Variants in GRIK4 observed in about 807,000 individuals in gnomAD.
The protein encoded by GRIK4 is glutamate ionotropic receptor kainate type subunit 4, also known as glutamate receptor ionotropic, kainate 4.
GRIK4 carries 40 observed loss-of-function variants against 104.9 expected under a neutral mutation model. The observed-to-expected ratio is 0.38, with a 90% CI of 0.30 to 0.50. The LOEUF is 0.50. GRIK4 is among the 20% of genes least tolerant of loss of function. GRIK4 has a pLI of 0.93. For missense variants in GRIK4, 1,047 were observed against 1,308.1 expected, an observed-to-expected ratio of 0.80 and a Z score of 3.08; for synonymous variants, 485 against 524.9, an observed-to-expected ratio of 0.92 and a Z score of 1.04.
chr11:120,812,502 T>G (rs1239367973), intron 4 of GRIK4, among the ~76,000 whole-genome samples: 1 of 152,178 alleles, frequency 6.6e-6, no homozygotes, highest in African/African-American at 2.4e-5. Flanking sequence ...GTGGGGATAA[T>G]AATAAAAGGG....
chr11:120,586,107 T>C (rs1333793296), intron 1 of GRIK4, among the ~76,000 whole-genome samples: 1 of 152,154 alleles, frequency 6.6e-6, no homozygotes. Context: ...GTGTGTGAGC[T>C]GACACTTGGA....
intron 19 of GRIK4, among the ~76,000 whole-genome samples, chr11:120,976,971 G>A (rs1343606015): frequency 6.6e-6 from 1 of 152,234 alleles, no homozygotes; most frequent in Non-Finnish European, 1.5e-5. Context: ...ACCAAAGGAA[G>A]AGCAAGTGGG....
chr11:120,904,489 G>A (rs940656884), intron 12 of GRIK4, among the ~76,000 whole-genome samples: 4 of 152,198 alleles, frequency 2.6e-5, no homozygotes, highest in African/African-American at 7.2e-5. Flanking sequence ...CTCACCCCTG[G>A]ATGCTTCCTC....
Position 120,831,965 on chromosome 11 carries a change from G to A in GRIK4, c.625G>A (p.Asp209Asn), listed in dbSNP as rs1240305755. Residue 209 changes from aspartate to asparagine, a missense_variant, in exon 7 of 21, where the codon GAC (aspartate) becomes AAC (asparagine). By Grantham distance (23) the Asp-to-Asn change is conservative. Coordinates refer to ENST00000527524, the MANE Select transcript of GRIK4 (RefSeq NM_014619.5). ...CACCCCGCTCCTCAAGGAGATCCGG[G>A]ACGACAAGACCGCCACCATCATCAT... ...DPTPLLKEIR[D>N]DKTATIIIHA... 2 of 1,613,920 alleles carry A rather than the reference G, an allele frequency of 1.2e-6. No homozygotes were observed. The highest frequency in any genetic ancestry group is 1.7e-6 in the Non-Finnish European group (2 of 1,179,964).
At chr11:120,815,734 C>G (rs796263501) in intron 5 of GRIK4, among the ~76,000 whole-genome samples, 102 of 152,172 alleles carry the variant, frequency 6.7e-4, no homozygotes, top group African/African-American at 2.4e-3. Flanking sequence ...CATGGCGGTG[C>G]CCCCAGCGGC....
At chr11:120,572,813 A>T (rs1018330502) in intron 1 of GRIK4, among the ~76,000 whole-genome samples, 4 of 152,118 alleles carry the variant, frequency 2.6e-5, no homozygotes, top group African/African-American at 9.7e-5. Context: ...TCCCCTTTTC[A>T]TTTCCGCTGT....
At chr11:120,575,531 C>T (rs114136312) in intron 1 of GRIK4, among the ~76,000 whole-genome samples, 2,622 of 152,154 alleles carry the variant, frequency 0.017, 83 homozygotes, top group African/African-American at 0.058. Flanking sequence ...AGGTGCTGGC[C>T]GCCGCTGAAT....
At chr11:120,909,657 A>T (rs1224309329) in intron 13 of GRIK4, among the ~76,000 whole-genome samples, 1 of 152,234 alleles carries the variant, frequency 6.6e-6, no homozygotes, top group Non-Finnish European at 1.5e-5. Flanking sequence ...CTGCAGCAGA[A>T]GCAATGAAGG....
chr11:120,982,535 A>G (rs978637029), intron 20 of GRIK4, among the ~76,000 whole-genome samples: 1 of 152,122 alleles, frequency 6.6e-6, no homozygotes, highest in African/African-American at 2.4e-5. Flanking sequence ...ATCCTTAGAG[A>G]TATCCCGACT....
At chr11:120,777,504 G>A (rs895852949) in intron 3 of GRIK4, among the ~76,000 whole-genome samples, 8 of 152,228 alleles carry the variant, frequency 5.3e-5, no homozygotes, top group Non-Finnish European at 7.3e-5. Context: ...CTGTGTGCCC[G>A]GCACGGGGTT....
At chr11:120,656,653 G>T (rs1287246727) in intron 2 of GRIK4, among the ~76,000 whole-genome samples, 1 of 152,148 alleles carries the variant, frequency 6.6e-6, no homozygotes, top group Admixed American at 6.5e-5. Context: ...CTGAGGTCAG[G>T]AGTTCGAGAC....
intron 1 of GRIK4, among the ~76,000 whole-genome samples, chr11:120,519,577 T>C (rs899318589): frequency 1.1e-4 from 16 of 152,216 alleles, no homozygotes; most frequent in Non-Finnish European, 1.9e-4. Context: ...ACCCAGTTTA[T>C]GGTATTTTGT....
In GRIK4 at chr11:120,940,284, G is replaced by T; in HGVS notation, c.1477-63G>T. On this transcript the variant is annotated intron_variant, in intron 13 of 20. Coordinates refer to ENST00000527524, the MANE Select transcript of GRIK4 (RefSeq NM_014619.5). This position sits in a 1 kb window ranked among gnomAD's most constrained non-coding sequence, Gnocchi z 4.3. ...CCAATAGCAGTGACGGTTGCTGGTCGCAAGTCTCTGTGCCTCTTCTCCTAT... is the reference window on the plus strand; with the variant it reads ...CCAATAGCAGTGACGGTTGCTGGTCTCAAGTCTCTGTGCCTCTTCTCCTAT... The T allele has an allele frequency of 1.0e-6, 1 of 980,438 alleles. No individual in the cohort carries two copies. The highest frequency in any genetic ancestry group is 1.6e-6 in the Non-Finnish European group (1 of 620,398). 60.7% of individuals were successfully genotyped at this position (980,438 alleles called of 1,614,324 possible).
chr11:120,567,234 A>T (rs1948340835), intron 1 of GRIK4, among the ~76,000 whole-genome samples: 1 of 151,872 alleles, frequency 6.6e-6, no homozygotes, highest in Non-Finnish European at 1.5e-5. Context: ...ATCATGGCTC[A>T]CTGCAGCCTT....
At chr11:120,865,589 G>A (rs77105379) in intron 9 of GRIK4, among the ~76,000 whole-genome samples, 5,316 of 152,216 alleles carry the variant, frequency 0.035, 283 homozygotes, top group African/African-American at 0.12. Context: ...AAGTGGAAAC[G>A]CAAAGACCTC....
chr11:120,515,547 C>G (rs547202157), intron 1 of GRIK4, among the ~76,000 whole-genome samples: 10 of 152,280 alleles, frequency 6.6e-5, no homozygotes, highest in Admixed American at 5.2e-4. Flanking sequence ...TGGCTGAGCC[C>G]CCTGCTCCTA....
At chr11:120,932,415 G>A (rs1943502616) in intron 13 of GRIK4, among the ~76,000 whole-genome samples, 1 of 144,834 alleles carries the variant, frequency 6.9e-6, no homozygotes. Flanking sequence ...GAGCTCAGCA[G>A]CCCCATGTTA....
chr11:120,538,848 G>A (rs1406224678), intron 1 of GRIK4, among the ~76,000 whole-genome samples: 1 of 152,228 alleles, frequency 6.6e-6, no homozygotes, highest in Non-Finnish European at 1.5e-5. Flanking sequence ...GGCTCTAACT[G>A]TATTTCAGGA....
intron 4 of GRIK4, among the ~76,000 whole-genome samples, chr11:120,805,119 G>A (rs1591935524): frequency 6.6e-6 from 1 of 152,172 alleles, no homozygotes; most frequent in East Asian, 1.9e-4. Flanking sequence ...TTAATTTCTA[G>A]TATAATGGAA....
Sources: gnomAD v4.1 joint callset for allele counts (sites outside exome capture counted in the v4.1 genomes callset) on GRCh38, gnomAD v4.1.1 for gene constraint, Gnocchi (gnomAD v3.1) non-coding constraint, MANE v1.5 for transcripts, NCBI Gene and HGNC (gene_info 2026-07-23, HGNC 2026-07-21) for gene names.